The following TGM3 variants were observed in gnomAD, a reference collection of about 807,000 sequenced individuals.
TGM3 encodes the protein protein-glutamine gamma-glutamyltransferase E.
Under a neutral mutation model 73.8 loss-of-function variants are expected in TGM3, and 52 were observed. The observed-to-expected ratio is 0.70, with a 90% CI of 0.56 to 0.89. The LOEUF (loss-of-function observed/expected upper bound fraction) is 0.89, where lower values mean the gene tolerates loss of function less well. Among genes scored for constraint, TGM3 ranks in the 40% least tolerant of loss-of-function variants. The pLI is 0.00. For missense variants in TGM3, 928 were observed against 909.9 expected (o/e 1.02, Z -0.26); for synonymous variants, 372 against 354.9 (o/e 1.05, Z -0.54).
At chr20:2,304,257 T>G (rs1195798816) in intron 1 of TGM3, among the ~76,000 whole-genome samples, 1 of 152,100 alleles carries the variant, frequency 6.6e-6, no homozygotes, top group African/African-American at 2.4e-5. Flanking sequence ...ATCCTTGAAT[T>G]GGGGGCTGGC....
chr20:2,328,205 G>C lies in TGM3; in HGVS notation c.1173G>C (p.Ala391=). The change falls in exon 9 of 13, where the codon GCG becomes GCC. Residue 391 remains alanine (A), a synonymous_variant. Transcript: ENST00000381458. This position sits in a 1 kb window ranked among gnomAD's most constrained non-coding sequence, Gnocchi z 5.2. ...ACTTCGACATGCCCTTTATCTTCGC[G>C]GAGGTTAATGCCGACCGCATCACCT... is the stretch of plus-strand genomic sequence containing the variant. The part of the protein sequence containing the change: ...QLNFDMPFIF[A]EVNADRITWL... 6.2e-7 allele frequency: 1 copy of C among 1,614,136 alleles called. No homozygotes were observed. The highest frequency in any genetic ancestry group is 8.5e-7 in the Non-Finnish European group (1 of 1,180,036).
intron 11 of TGM3, among the ~76,000 whole-genome samples, chr20:2,335,633 A>G (rs1385381434): frequency 6.6e-6 from 1 of 152,024 alleles, no homozygotes; most frequent in Non-Finnish European, 1.5e-5. Flanking sequence ...GTTCTGGGCC[A>G]TGCCAGGCTT....
chr20:2,298,069 T>C (rs946039858), intron 1 of TGM3, among the ~76,000 whole-genome samples: 4 of 151,902 alleles, frequency 2.6e-5, no homozygotes, highest in Admixed American at 6.6e-5. Context: ...TGGAGAGGTT[T>C]TGCAGGGCAG....
chr20:2,306,774 G>C (rs961416291), intron 1 of TGM3, among the ~76,000 whole-genome samples: 23 of 152,134 alleles, frequency 1.5e-4, no homozygotes, highest in Non-Finnish European at 2.5e-4. Context: ...ACTGTACCCC[G>C]CCAGCCCTTC....
At chr20:2,298,515 G>T (rs1365798987) in intron 1 of TGM3, among the ~76,000 whole-genome samples, 1 of 152,154 alleles carries the variant, frequency 6.6e-6, no homozygotes, top group East Asian at 1.9e-4. Context: ...TCCCTCTGGG[G>T]CAGTGAGCTT....
intron 8 of TGM3, among the ~76,000 whole-genome samples, chr20:2,327,010 T>TA (rs962468227): frequency 6.6e-6 from 1 of 152,114 alleles, no homozygotes; most frequent in Admixed American, 6.5e-5. Flanking sequence ...GGCTTGGAGG[T>TA]AACTGAGACA....
chr20:2,312,810 C>A, intron 4 of TGM3, 88 bp from the exon 5 acceptor site: 2 of 1,552,700 alleles, frequency 1.3e-6, no homozygotes, highest in South Asian at 1.1e-5. Context: ...TCTGATAGTT[C>A]CTGTGGTTCT....
At position 2,311,090 on chromosome 20, in the gene TGM3, C is replaced by G. The variant is rs2084201238; in HGVS notation, c.501C>G (p.Ser167Arg). The G allele has an allele frequency of 6.2e-7, 1 of 1,613,972 alleles. No individual in the cohort carries two copies. Among genetic ancestry groups the G allele is most frequent in the South Asian group, 1.1e-5 (1 of 91,086 alleles). The change falls in exon 4 of 13, where the codon AGC (serine) becomes AGG (arginine). Residue 167 changes from serine to arginine, a missense_variant. Ser to Arg is a moderately radical substitution (Grantham distance 110). Transcript: ENST00000381458. ...ATGCCGGCATCATCTTTGTGGGAAGCACAAACCGAATTGGCATGATTGGCT... is the reference window on the plus strand; with the variant it reads ...ATGCCGGCATCATCTTTGTGGGAAGGACAAACCGAATTGGCATGATTGGCT... ...QEDAGIIFVG[S>R]TNRIGMIGWN...
At chr20:2,317,528 G>T in intron 7 of TGM3, 43 bp downstream of exon 7, 1 of 1,610,494 alleles carries the variant, frequency 6.2e-7, no homozygotes, top group Non-Finnish European at 8.5e-7. Context: ...CACCACATTT[G>T]AGTGGCTTCT....
intron 7 of TGM3, among the ~76,000 whole-genome samples, chr20:2,324,234 C>T (rs1486115657): frequency 1.3e-5 from 2 of 151,666 alleles, no homozygotes; most frequent in Non-Finnish European, 2.9e-5. Context: ...TTCATATTTT[C>T]TATTTCTCTG....
rs2084377364 is a variant in TGM3 at position 2,340,719 on chromosome 20, G to T, written c.*138G>T. ...AAGGCTGCCAGACATGGACCTCCAG[G>T]CTCCAGCACATCCCCCTCTCCTCTC... is the stretch of plus-strand genomic sequence containing the variant. On this transcript the variant is annotated 3_prime_UTR_variant, in exon 13 of 13. Transcript: ENST00000381458. 9.0e-7 allele frequency: 1 copy of T among 1,105,906 alleles called. No individual in the cohort carries two copies. The highest frequency in any genetic ancestry group is 1.3e-6 in the Non-Finnish European group (1 of 755,808). The allele number at this position is 1,105,906 out of a possible 1,614,324, so 68.5% of individuals were successfully genotyped here.
chr20:2,314,420 C>G (rs214809), intron 5 of TGM3, among the ~76,000 whole-genome samples: 100,714 of 151,918 alleles, frequency 0.66, 37,649 homozygotes, highest in East Asian at 0.96. Flanking sequence ...TGATCAGGCA[C>G]AGTGGTTCAC....
chr20:2,340,040 G>GGGGGGGGGGGGGGC, intron 12 of TGM3, 53 bp downstream of exon 12: 2 of 944,836 alleles, frequency 2.1e-6, no homozygotes, highest in Non-Finnish European at 1.6e-6. Context: ...GGGCGGGGGG[G>GGGGGGGGGGGGGGC]CCCTCCAGAT....
rs149607456 is a variant in TGM3 at position 2,339,851 on chromosome 20, T to C, written c.1801-3T>C. 1.0e-3 allele frequency: 1,663 copies of C among 1,613,852 alleles called. 34 individuals carry two copies. The South Asian group carries it at 0.012, about 12-fold the overall frequency. ...CTGACTCGGCAGCCCCTCTCCCCCATAGGTGCTGAACGAGGCTCGTGTGCG... is the reference window on the plus strand; with the variant it reads ...CTGACTCGGCAGCCCCTCTCCCCCACAGGTGCTGAACGAGGCTCGTGTGCG... On this transcript the variant is annotated splice_polypyrimidine_tract_variant and splice_region_variant and intron_variant, in intron 11 of 12. Transcript: ENST00000381458.
intron 4 of TGM3, among the ~76,000 whole-genome samples, chr20:2,312,400 A>AG: frequency 6.7e-6 from 1 of 148,412 alleles, no homozygotes; most frequent in East Asian, 2.0e-4. Flanking sequence ...CCGTCTCAAA[A>AG]AAAAAAAAAA....
Position 2,317,486 on chromosome 20 carries a change from G to A in TGM3, c.983+1G>A. 2.5e-6 allele frequency: 4 copies of A among 1,614,194 alleles called. No homozygotes were observed. Among genetic ancestry groups the A allele is most frequent in the East Asian group, 2.2e-5 (1 of 44,884 alleles). Reference sequence around the variant, plus strand: ...TGGACAAGGGTAGTGATAGCGTATGGTAAGTATCTCACCTTTTCCCTGAAC... The same window carrying A: ...TGGACAAGGGTAGTGATAGCGTATGATAAGTATCTCACCTTTTCCCTGAAC... On this transcript the variant is annotated splice_donor_variant, in intron 7 of 12. Transcript: ENST00000381458. LOFTEE classifies it high-confidence loss of function.
chr20:2,296,753 A>G (rs1464974174), intron 1 of TGM3, among the ~76,000 whole-genome samples: 3 of 151,832 alleles, frequency 2.0e-5, no homozygotes, highest in African/African-American at 4.8e-5. Context: ...AGGTTCCCCC[A>G]CTCTATGCTT....
Position 2,309,730 on chromosome 20 carries a change from C to G in TGM3, c.81C>G (p.Ser27Arg). ...RQAHHTDKFS[S>R]QELILRRGQN... ...CGCATCACACAGACAAGTTCTCCAG[C>G]CAGGAGCTCATCTTGCGGAGAGGCC... Residue 27 changes from serine to arginine, a missense_variant, in exon 2 of 13, where the codon AGC (serine) becomes AGG (arginine). Transcript: ENST00000381458. 1 of 1,614,182 alleles carries G rather than the reference C, an allele frequency of 6.2e-7. No homozygotes were observed.
intron 1 of TGM3, among the ~76,000 whole-genome samples, chr20:2,300,792 G>A (rs886416393): frequency 6.6e-6 from 1 of 152,162 alleles, no homozygotes; most frequent in Admixed American, 6.5e-5. Context: ...GTCCTCAATA[G>A]CAGCCCATTA....
Sources: allele counts gnomAD v4.1 joint callset (sites outside exome capture counted in the v4.1 genomes callset), GRCh38; gene constraint gnomAD v4.1.1; non-coding constraint Gnocchi (gnomAD v3.1); transcripts MANE v1.5; gene names NCBI Gene and HGNC (gene_info 2026-07-23, HGNC 2026-07-21).